Variants in LENG8 observed in about 807,000 individuals in gnomAD.
LENG8 encodes leukocyte receptor cluster member 8.
A neutral mutation model predicts 102.1 loss-of-function variants in LENG8; 28 were observed. That is an observed-to-expected ratio of 0.27 (90% CI 0.20 to 0.38). LENG8 has a LOEUF of 0.38. LENG8 is among the 10% of genes least tolerant of loss of function. The probability of loss-of-function intolerance (pLI) is 1.00; values close to 1 mark genes in which losing one functional copy is unlikely to be tolerated. For synonymous variants in LENG8, 531 were observed against 456.7 expected, an observed-to-expected ratio of 1.16 and a Z score of -2.07; for missense variants, 1,022 against 1,113.9, an observed-to-expected ratio of 0.92 and a Z score of 1.17.
chr19:54,461,270 C>T lies in LENG8; in HGVS notation c.*342C>T. On this transcript the variant is annotated 3_prime_UTR_variant, in exon 16 of 16. Transcript: ENST00000326764. ...TCGAGCTTGCACTCCGGTACCCGAC[C>T]CGGCGCCCTGGCCCATCCCATGCCG... is the stretch of plus-strand genomic sequence containing the variant. 1 of 493,742 alleles carries T rather than the reference C, an allele frequency of 2.0e-6. No individual in the cohort carries two copies. The highest frequency in any genetic ancestry group is 3.9e-6 in the Non-Finnish European group (1 of 253,924). 30.6% of individuals were successfully genotyped at this position (493,742 alleles called of 1,614,324 possible). A position where few individuals can be genotyped will look rare whatever the true frequency, so the allele number is the denominator to read the frequency against.
Position 54,456,769 on chromosome 19 carries a change from G to C in LENG8, c.1579G>C (p.Glu527Gln). 2 of 1,611,748 alleles carry C rather than the reference G, an allele frequency of 1.2e-6. No homozygotes were observed. The highest frequency in any genetic ancestry group is 1.7e-6 in the Non-Finnish European group (2 of 1,179,500). ...CGGACACTCCCGCCGCCTGCGCCTC[G>C]AGCCCCTGGTGCTGCAGATGAGCAG... is the stretch of plus-strand genomic sequence containing the variant. ...QHGHSRRLRL[E>Q]PLVLQMSSLE... is the part of the protein sequence containing the mutation. Residue 527 changes from glutamate to glutamine, a missense_variant, in exon 11 of 16, where the codon GAG becomes CAG. Glu to Gln is a conservative substitution (Grantham distance 29). This residue lies in a region of LENG8 where 326 missense variants were observed against 324.5 expected (regional missense o/e 1.00). Transcript: ENST00000326764.
chr19:54,451,801 A>G (rs1409888631), intron 2 of LENG8, among the ~76,000 whole-genome samples: 1 of 152,156 alleles, frequency 6.6e-6, no homozygotes, highest in African/African-American at 2.4e-5. Context: ...AGGAGGTGCC[A>G]AGGCCTGTGT....
Position 54,458,114 on chromosome 19 carries a change from A to G in LENG8, c.1914A>G (p.Glu638=). Residue 638 remains glutamate, a synonymous_variant, in exon 14 of 16, where the codon GAA becomes GAG. Transcript: ENST00000326764. ...ARIALEKGDH[E]EFNQCQTQLK... ...CCTCTGCCTTCCAGGGTGACCATGA[A>G]GAGTTTAACCAGTGCCAGACGCAGC... 1 of 1,613,454 alleles carries G rather than the reference A, an allele frequency of 6.2e-7. No homozygotes were observed. The highest frequency in any genetic ancestry group is 1.7e-5 in the Admixed American group (1 of 60,024).
At chr19:54,451,178 AGCCTCCC>A in intron 1 of LENG8, 105 bp from the exon 2 acceptor site, 1 of 701,326 alleles carries the variant, frequency 1.4e-6, no homozygotes, top group Non-Finnish European at 2.5e-6. Context: ...CTTTTCAGTC[AGCCTCCC>A]CTTTTCTGCC....
In LENG8 at chr19:54,451,450, CTG is replaced by C; in HGVS notation, c.38+69_38+70del. On this transcript the variant is annotated intron_variant, in intron 2 of 15. Transcript: ENST00000326764. Reference sequence around the variant, plus strand: ...AGGAAGCAAGACCCAGTGCTGTCCTCTGGGGTGGGACCTCCCGTGGCCTTAGG... The same window carrying C: ...AGGAAGCAAGACCCAGTGCTGTCCTCGGGTGGGACCTCCCGTGGCCTTAGG... 3.9e-6 allele frequency: 6 copies of C among 1,532,540 alleles called. 1 individual carries two copies. In the South Asian group the frequency reaches 6.7e-5, roughly 17 times the overall value. The allele number at this position is 1,532,540 out of a possible 1,614,324, so 94.9% of individuals were successfully genotyped here.
At chr19:54,457,875 G>A (rs1555987592) in intron 12 of LENG8, 27 bp downstream of exon 12, 1 of 1,613,370 alleles carries the variant, frequency 6.2e-7, no homozygotes, top group Admixed American at 1.7e-5. Flanking sequence ...GAGGGGCCTG[G>A]CCTCAGCCAG....
At position 54,449,874 on chromosome 19, in the gene LENG8, C is replaced by G. The variant is rs1295694661; in HGVS notation, c.-56+564C>G. 10 of 152,920 alleles carry G rather than the reference C, an allele frequency of 6.5e-5. 1 individual carries two copies. In the Admixed American group the frequency reaches 6.5e-4, roughly 10 times the overall value. 9.5% of individuals were successfully genotyped at this position (152,920 alleles called of 1,614,324 possible). A position where few individuals can be genotyped will look rare whatever the true frequency, so the allele number is the denominator to read the frequency against. On this transcript the variant is annotated intron_variant, in intron 1 of 15. Coordinates refer to ENST00000326764, the MANE Select transcript of LENG8 (RefSeq NM_052925.4). Reference sequence around the variant, plus strand: ...TCCCTTCTGCCCTGGGGCTCCTCTTCCTGTGTCCCCGCCACGATCCCTCGT... The same window carrying G: ...TCCCTTCTGCCCTGGGGCTCCTCTTGCTGTGTCCCCGCCACGATCCCTCGT...
intron 5 of LENG8, 142 bp downstream of exon 5, chr19:54,453,798 C>T: frequency 1.6e-6 from 1 of 645,098 alleles, no homozygotes; most frequent in East Asian, 2.8e-5. Flanking sequence ...ATGAGGAGGA[C>T]AGAGCATAGT....
chr19:54,458,174 T>G lies in LENG8; in HGVS notation c.1974T>G (p.Asn658Lys). 6.2e-7 allele frequency: 1 copy of G among 1,614,214 alleles called. No homozygotes were observed. The highest frequency in any genetic ancestry group is 8.5e-7 in the Non-Finnish European group (1 of 1,180,036). Residue 658 changes from asparagine (N) to lysine (K), a missense_variant, in exon 14 of 16, where the codon AAT (asparagine) becomes AAG (lysine). Physicochemically the swap from Asn to Lys is moderately conservative, Grantham distance 94. This residue lies in a region of LENG8 where 158 missense variants were observed against 229.0 expected (regional missense o/e 0.69). Coordinates refer to ENST00000326764, the MANE Select transcript of LENG8 (RefSeq NM_052925.4). Reference sequence around the variant, plus strand: ...TGTACGCCGAGAACTTGCCTGGCAATGTGGGCGAGTTTACTGCCTACCGAA... The same window carrying G: ...TGTACGCCGAGAACTTGCCTGGCAAGGTGGGCGAGTTTACTGCCTACCGAA... ...KSLYAENLPG[N>K]VGEFTAYRIL...
intron 15 of LENG8, chr19:54,458,834 A>C: frequency 6.5e-7 from 1 of 1,549,848 alleles, no homozygotes; most frequent in South Asian, 1.2e-5. Context: ...CCCCTAGTTC[A>C]CTCCTTGCCC....
In LENG8 at chr19:54,452,088, T is replaced by A; in HGVS notation, c.39-5T>A. The stretch of plus-strand genomic sequence containing the variant: ...GGTGTGACTTGATGTCCTCTCTCTC[T>A]GCAGGTCTTCTCAGTACAGCATGGT... On this transcript the variant is annotated splice_polypyrimidine_tract_variant and splice_region_variant and intron_variant, in intron 2 of 15. Coordinates refer to ENST00000326764, the MANE Select transcript of LENG8 (RefSeq NM_052925.4). 6.2e-7 allele frequency: 1 copy of A among 1,606,810 alleles called. No individual in the cohort carries two copies. Among genetic ancestry groups the A allele is most frequent in the Non-Finnish European group, 8.5e-7 (1 of 1,174,402 alleles).
chr19:54,452,804 C>G, intron 4 of LENG8, 52 bp downstream of exon 4: 6 of 1,348,478 alleles, frequency 4.4e-6, no homozygotes, highest in Non-Finnish European at 6.4e-6. Context: ...TCTGCTGGGT[C>G]GGGGCGAGGT....
chr19:54,453,166 C>T (rs2084041991), intron 4 of LENG8, among the ~76,000 whole-genome samples: 1 of 152,102 alleles, frequency 6.6e-6, no homozygotes. Flanking sequence ...GCAGCCTGTC[C>T]CTCTCCCTTT....
At chr19:54,450,538 C>G (rs1335429735) in intron 1 of LENG8, among the ~76,000 whole-genome samples, 1 of 152,018 alleles carries the variant, frequency 6.6e-6, no homozygotes, top group Non-Finnish European at 1.5e-5. Flanking sequence ...CCCTCTCAGC[C>G]TTAAGGGTTC....
chr19:54,454,520 C>T lies in LENG8; in HGVS notation c.517C>T (p.Pro173Ser). The T allele has an allele frequency of 1.2e-6, 2 of 1,613,950 alleles. No individual in the cohort carries two copies. The highest frequency in any genetic ancestry group is 1.7e-6 in the Non-Finnish European group (2 of 1,179,952). The change falls in exon 6 of 16, where the codon CCA becomes TCA. Residue 173 changes from proline (P) to serine (S), a missense_variant. By Grantham distance (74) the Pro-to-Ser change is moderately conservative (BLOSUM62 -1). Around this residue, in one of 7 missense-constraint regions of LENG8, gnomAD observed 343 missense variants for 320.2 expected, o/e 1.07. Transcript: ENST00000326764. The stretch of plus-strand genomic sequence containing the variant: ...TCAGCCCCCTCAGCCCTCAAATCCC[C>T]CACATGGGGCTCACACGCTGAACAG... ...SAQPPQPSNP[P>S]HGAHTLNSGP... is the part of the protein sequence containing the mutation.
chr19:54,456,256 T>A lies in LENG8; in HGVS notation c.1304+11T>A. ...CCACTTCCGCAGAAGGTACTGAGGC[T>A]CCCGGCTGGGGCTGTGTGTGAGGGA... On this transcript the variant is annotated intron_variant, in intron 9 of 15. Transcript: ENST00000326764. 6.2e-7 allele frequency: 1 copy of A among 1,613,990 alleles called. No individual in the cohort carries two copies. The highest frequency in any genetic ancestry group is 8.5e-7 in the Non-Finnish European group (1 of 1,179,956).
rs200357831 is a variant in LENG8, at chr19:54,456,022, A to G, written c.1081A>G (p.Ser361Gly). The change falls in exon 9 of 16, where the codon AGC (serine) becomes GGC (glycine). Residue 361 changes from serine to glycine, a missense_variant. Around this residue, in one of 7 missense-constraint regions of LENG8, gnomAD observed 326 missense variants for 324.5 expected, o/e 1.00. Transcript: ENST00000326764. The stretch of plus-strand genomic sequence containing the variant: ...TAAGAAGAAGCGGTGGGAGGCCGCT[A>G]GCAGCCTTCACCCTCCTAGAGGGGC... The part of the protein sequence containing the change: ...SPKKKRWEAA[S>G]SLHPPRGAGS... 4 of 1,613,158 alleles carry G rather than the reference A, an allele frequency of 2.5e-6. No homozygotes were observed. The highest frequency in any genetic ancestry group is 3.3e-5 in the Admixed American group (2 of 59,946).
rs910076446 is a variant in LENG8, at chr19:54,459,105, A to C, written c.2240+584A>C. The C allele has an allele frequency of 9.5e-6, 13 of 1,374,910 alleles. No individual in the cohort carries two copies. In the South Asian group the frequency reaches 2.3e-4, roughly 24 times the overall value. The allele number at this position is 1,374,910 out of a possible 1,614,324, so 85.2% of individuals were successfully genotyped here. A position where few individuals can be genotyped will look rare whatever the true frequency, so the allele number is the denominator to read the frequency against. ...GCCTGGCTTGCTGTGGGTGGGGATGAGTTGCTTGACTCATGTTTAGACGCA... is the reference window on the plus strand; with the variant it reads ...GCCTGGCTTGCTGTGGGTGGGGATGCGTTGCTTGACTCATGTTTAGACGCA... On this transcript the variant is annotated intron_variant, in intron 15 of 15. Coordinates refer to ENST00000326764, the MANE Select transcript of LENG8 (RefSeq NM_052925.4).
Position 54,453,683 on chromosome 19 carries a change from C to T in LENG8, c.426+27C>T, listed in dbSNP as rs112837113. On this transcript the variant is annotated intron_variant, in intron 5 of 15. Coordinates refer to ENST00000326764, the MANE Select transcript of LENG8 (RefSeq NM_052925.4). ...TAACATCCTAGCCCAGCTCCCATACCCTGCTCAAGCAGAGGAAGTGTAGAT... is the reference window on the plus strand; with the variant it reads ...TAACATCCTAGCCCAGCTCCCATACTCTGCTCAAGCAGAGGAAGTGTAGAT... The T allele has an allele frequency of 4.4e-3, 6,609 of 1,504,832 alleles. 186 individuals are homozygous for T. In the African/African-American group the frequency reaches 0.07, roughly 16 times the overall value. 93.2% of individuals were successfully genotyped at this position (1,504,832 alleles called of 1,614,324 possible).
Sources: allele counts gnomAD v4.1 joint callset (sites outside exome capture counted in the v4.1 genomes callset), GRCh38; gene constraint gnomAD v4.1.1; regional missense constraint gnomAD v4.1.1; transcripts MANE v1.5; gene names NCBI Gene and HGNC (gene_info 2026-07-23, HGNC 2026-07-21).